Variants in PDE1C observed in about 807,000 individuals in gnomAD.
PDE1C encodes phosphodiesterase 1C.
Under a neutral mutation model 93.1 loss-of-function variants are expected in PDE1C, and 62 were observed. The observed-to-expected ratio is 0.67, with a 90% CI of 0.54 to 0.82. The LOEUF is 0.82. Ranked by LOEUF, PDE1C falls within the 40% of genes least tolerant of loss-of-function variation. The pLI is 0.00. For missense variants in PDE1C, 742 were observed against 884.6 expected, an observed-to-expected ratio of 0.84 and a Z score of 2.04; for synonymous variants, 325 against 310.1, an observed-to-expected ratio of 1.05 and a Z score of -0.50.
At chr7:31,802,778 C>T (rs1203495662) in intron 16 of PDE1C, among the ~76,000 whole-genome samples, 2 of 151,754 alleles carry the variant, frequency 1.3e-5, no homozygotes, top group African/African-American at 4.8e-5. Flanking sequence ...CATCTACTGT[C>T]ATCCTTATGT....
chr7:31,690,999 C>A, the PDE1C span, among the ~76,000 whole-genome samples: 1 of 152,132 alleles, frequency 6.6e-6, no homozygotes, highest in Non-Finnish European at 1.5e-5. Context: ...TGCCTTGAGA[C>A]CTCAGCACTC....
At chr7:32,290,704 G>A (rs950195750) in intron 1 of PDE1C, among the ~76,000 whole-genome samples, 7 of 152,082 alleles carry the variant, frequency 4.6e-5, no homozygotes, top group Non-Finnish European at 8.8e-5. Flanking sequence ...CTAGGGACTC[G>A]CTTTGCAAAA....
chr7:31,974,614 C>A (rs987500834), intron 2 of PDE1C, among the ~76,000 whole-genome samples: 2 of 152,076 alleles, frequency 1.3e-5, no homozygotes, highest in African/African-American at 4.8e-5. Flanking sequence ...ACACATATAA[C>A]CTTAATGGAT....
chr7:31,664,814 C>A, the PDE1C span, among the ~76,000 whole-genome samples: 3 of 152,174 alleles, frequency 2.0e-5, no homozygotes, highest in African/African-American at 7.2e-5. Flanking sequence ...ACTCAATTTA[C>A]CTCACCTGAT....
At position 32,402,206 on chromosome 7, in the gene PDE1C, G is replaced by A. The variant is rs569338288; in HGVS notation, c.310+25616C>T. ...TCCATACTCACTTGTATTAATCTGC[G>A]TTCCTCAGAGAAACAGAACCAGTAG... On this transcript the variant is annotated intron_variant, in intron 1 of 1. Coordinates refer to the PDE1C transcript ENST00000672256. Among the ~76,000 whole-genome samples, 53 of 151,946 alleles carry A rather than the reference G, an allele frequency of 3.5e-4. No homozygotes were observed. The South Asian group carries it at 7.7e-3, about 22-fold the overall frequency.
At chr7:31,685,782 G>A in the PDE1C span, among the ~76,000 whole-genome samples, 9 of 152,234 alleles carry the variant, frequency 5.9e-5, no homozygotes, top group Admixed American at 2.0e-4. Flanking sequence ...TCTAGGCCCT[G>A]TCCCTCAACA....
intron 9 of PDE1C, among the ~76,000 whole-genome samples, chr7:31,838,874 C>T (rs1791451534): frequency 6.6e-6 from 1 of 151,956 alleles, no homozygotes; most frequent in Non-Finnish European, 1.5e-5. Context: ...CCATCATCCT[C>T]AAACCTAGCC....
chr7:32,269,258 G>C (rs968216612), intron 1 of PDE1C, among the ~76,000 whole-genome samples: 1 of 152,154 alleles, frequency 6.6e-6, no homozygotes. Flanking sequence ...GAGCCAGGGG[G>C]GGTGAGATGC....
intron 2 of PDE1C, among the ~76,000 whole-genome samples, chr7:31,885,451 C>G (rs1474340537): frequency 6.6e-6 from 1 of 152,184 alleles, no homozygotes; most frequent in Admixed American, 6.5e-5. Flanking sequence ...TTTCATGACT[C>G]TTGCATTTCT....
At chr7:31,677,684 T>C in the PDE1C span, among the ~76,000 whole-genome samples, 2 of 152,172 alleles carry the variant, frequency 1.3e-5, no homozygotes, top group African/African-American at 2.4e-5. Context: ...TAGTACCTTA[T>C]GTATTAGAAA....
At chr7:32,301,494 A>T (rs1812880713), upstream of PDE1C, among the ~76,000 whole-genome samples, 1 of 152,152 alleles carries the variant, frequency 6.6e-6, no homozygotes, top group Non-Finnish European at 1.5e-5. Flanking sequence ...TGTCTGAATA[A>T]TTAGAACTGT....
rs750267560 is a variant in PDE1C at position 31,823,251 on chromosome 7, G to A, written c.1407-3C>T. ...CTGACGAGCTGATGCTATTCAAACTGGAAAACAAAAAAATCATACCAAAGA... is the reference window on the plus strand; with the variant it reads ...CTGACGAGCTGATGCTATTCAAACTAGAAAACAAAAAAATCATACCAAAGA... On this transcript the variant is annotated splice_region_variant and splice_polypyrimidine_tract_variant and intron_variant, in intron 13 of 17. Coordinates refer to ENST00000396191, the MANE Select transcript of PDE1C (RefSeq NM_001191057.4). 5 of 1,594,830 alleles carry A rather than the reference G, an allele frequency of 3.1e-6. No individual in the cohort carries two copies. The South Asian group carries it at 3.4e-5, about 11-fold the overall frequency.
At chr7:31,779,725 TCAGCCTCC>T (rs886335600) in intron 16 of PDE1C, among the ~76,000 whole-genome samples, 1 of 152,142 alleles carries the variant, frequency 6.6e-6, no homozygotes, top group African/African-American at 2.4e-5. Context: ...AGGTTCTGAG[TCAGCCTCC>T]CACTGGCTTC....
chr7:32,364,019 G>A (rs2128085970), intron 1 of PDE1C, among the ~76,000 whole-genome samples: 1 of 152,204 alleles, frequency 6.6e-6, no homozygotes, highest in Admixed American at 6.5e-5. Flanking sequence ...CTTGCTCAAG[G>A]TTATTATATA....
At chr7:31,661,575 T>C in the PDE1C span, among the ~76,000 whole-genome samples, 1 of 151,998 alleles carries the variant, frequency 6.6e-6, no homozygotes. Context: ...TAGCCAGGCA[T>C]GGTGGCACGT....
intron 2 of PDE1C, among the ~76,000 whole-genome samples, chr7:32,186,648 G>GTAAT (rs933670717): frequency 4.0e-5 from 6 of 151,712 alleles, no homozygotes; most frequent in African/African-American, 1.5e-4. Context: ...TACATAATAT[G>GTAAT]TAATTAATTA....
chr7:32,193,885 T>C (rs1249154132), intron 2 of PDE1C, among the ~76,000 whole-genome samples: 2 of 150,978 alleles, frequency 1.3e-5, no homozygotes, highest in Admixed American at 1.3e-4. Flanking sequence ...GTTTTGGTAG[T>C]TTATGTGGTT....
intron 2 of PDE1C, among the ~76,000 whole-genome samples, chr7:32,030,937 A>G (rs539785181): frequency 1.3e-5 from 2 of 152,188 alleles, no homozygotes; most frequent in East Asian, 3.9e-4. Flanking sequence ...TGTCCTCTGC[A>G]ACAAGAGGCA....
intron 2 of PDE1C, among the ~76,000 whole-genome samples, chr7:31,926,340 T>C (rs1803375610): frequency 6.6e-6 from 1 of 152,326 alleles, no homozygotes; most frequent in Middle Eastern, 3.4e-3. Context: ...AACTGAAGCA[T>C]GTGACAGTTC....
Sources: gnomAD v4.1 joint callset for allele counts (sites outside exome capture counted in the v4.1 genomes callset) on GRCh38, gnomAD v4.1.1 for gene constraint, MANE v1.5 for transcripts, NCBI Gene and HGNC (gene_info 2026-07-23, HGNC 2026-07-21) for gene names.